Variants in LEPR observed in about 807,000 individuals in gnomAD.
LEPR encodes the protein leptin receptor.
In LEPR, 56 loss-of-function variants were observed where a neutral mutation model predicts 114.7. That is an observed-to-expected ratio of 0.49 (90% confidence interval 0.39 to 0.61). The LOEUF (loss-of-function observed/expected upper bound fraction) is 0.61, where lower values mean the gene tolerates loss of function less well. LEPR is among the 20% of genes least tolerant of loss of function. The pLI, the probability that LEPR is intolerant of heterozygous loss-of-function variation, is 0.00. For synonymous variants in LEPR, 443 were observed against 461.4 expected, an observed-to-expected ratio of 0.96 and a Z score of 0.51; for missense variants, 1,202 against 1,352.9, an observed-to-expected ratio of 0.89 and a Z score of 1.75.
At chr1:65,635,124 T>C in intron 19 of LEPR, 1 of 937,188 alleles carries the variant, frequency 1.1e-6, no homozygotes, top group Non-Finnish European at 1.3e-6. Flanking sequence ...CTTGCCATTA[T>C]GAAGAACAGC....
At position 65,546,692 on chromosome 1, in the gene LEPR, C is replaced by T. The variant is rs542710682; in HGVS notation, c.-20-18854C>T. 2.6e-5 allele frequency among the ~76,000 whole-genome samples: 4 copies of T among 152,284 alleles called. No homozygotes were observed. In the South Asian group the frequency reaches 6.2e-4, roughly 24 times the overall value. ...AGACTTTGCCGAAGTTGCTTATCAG[C>T]TTAAGGAGATTTTGGGCTGAGACAA... On this transcript the variant is annotated intron_variant, in intron 2 of 19. Coordinates refer to ENST00000349533, the MANE Select transcript of LEPR (RefSeq NM_002303.6).
chr1:65,579,137 G>A (rs901129662), intron 5 of LEPR, among the ~76,000 whole-genome samples: 1 of 152,192 alleles, frequency 6.6e-6, no homozygotes, highest in African/African-American at 2.4e-5. Context: ...TTTCAGCCTT[G>A]TATGATGGTA....
intron 19 of LEPR, among the ~76,000 whole-genome samples, chr1:65,632,662 A>G (rs1405602417): frequency 6.6e-6 from 1 of 152,092 alleles, no homozygotes; most frequent in Non-Finnish European, 1.5e-5. Context: ...TGGACCATAT[A>G]ATTTCTGAGA....
intron 2 of LEPR, among the ~76,000 whole-genome samples, chr1:65,481,822 T>TA (rs76503407): frequency 3.5e-3 from 404 of 117,088 alleles, no homozygotes; most frequent in African/African-American, 4.6e-3. Context: ...CTAATGTTAC[T>TA]AAAAAAAAAA....
chr1:65,448,446 C>T lies in LEPR; in HGVS notation c.-21+23068C>T, dbSNP rs561581781. On this transcript the variant is annotated intron_variant, in intron 2 of 19. Coordinates refer to ENST00000349533, the MANE Select transcript of LEPR (RefSeq NM_002303.6). The stretch of plus-strand genomic sequence containing the variant: ...TGCTAATATCTTGTTGAGGATTTTG[C>T]ATCCGTGTTCATGAAAGATATTGGA... Among the ~76,000 whole-genome samples, 13 of 152,242 alleles carry T rather than the reference C, an allele frequency of 8.5e-5. No individual in the cohort carries two copies. The South Asian group carries it at 1.9e-3, about 22-fold the overall frequency.
intron 2 of LEPR, among the ~76,000 whole-genome samples, chr1:65,563,242 T>C (rs1291198435): frequency 1.1e-5 from 1 of 88,914 alleles, no homozygotes; most frequent in Non-Finnish European, 2.3e-5. Context: ...TCTTGGAGGC[T>C]TTGCTCATTT....
At position 65,625,356 on chromosome 1, in the gene LEPR, T is replaced by C. The variant is rs1658135156; in HGVS notation, c.2673+2375T>C. Among the ~76,000 whole-genome samples the C allele has an allele frequency of 1.3e-5, 2 of 152,162 alleles. 1 individual carries two copies. Among genetic ancestry groups the C allele is most frequent in the South Asian group, 4.1e-4 (2 of 4,826 alleles). On this transcript the variant is annotated intron_variant, in intron 19 of 19. Transcript: ENST00000349533. ...CATTTCATCCATATATTCAATATGATTGAATACTTACCCTATACCAGTCAC... is the reference window on the plus strand; with the variant it reads ...CATTTCATCCATATATTCAATATGACTGAATACTTACCCTATACCAGTCAC...
chr1:65,620,283 T>A (rs564020042), intron 17 of LEPR, among the ~76,000 whole-genome samples: 1 of 152,310 alleles, frequency 6.6e-6, no homozygotes, highest in South Asian at 2.1e-4. Context: ...TTTGATTTTG[T>A]TATTACTTTT....
chr1:65,440,161 G>C (rs1031363287), intron 2 of LEPR, among the ~76,000 whole-genome samples: 2 of 151,988 alleles, frequency 1.3e-5, no homozygotes, highest in Non-Finnish European at 2.9e-5. Context: ...TGAATAATGA[G>C]AAGGAATCAA....
rs765741085 is a variant in LEPR, at chr1:65,443,951, C to CT, written c.-21+18594dup. ...AGAAAAGGAGACTAAAGACCTGATA[C>CT]TTTTTTTTTTTTTTTTTTTTTATAC... On this transcript the variant is annotated intron_variant, in intron 2 of 19. Coordinates refer to ENST00000349533, the MANE Select transcript of LEPR (RefSeq NM_002303.6). Among the ~76,000 whole-genome samples the CT allele has an allele frequency of 2.4e-3, 204 of 84,720 alleles. 27 individuals carry two copies. The highest frequency in any genetic ancestry group is 0.021 in the East Asian group (89 of 4,154). 55.6% of individuals were successfully genotyped at this position (84,720 alleles called of 152,430 possible).
At position 65,608,818 on chromosome 1, in the gene LEPR, T is replaced by C; in HGVS notation, c.1669T>C (p.Ser557Pro). The change falls in exon 12 of 20, where the codon TCT becomes CCT. Residue 557 changes from serine to proline, a missense_variant. Transcript: ENST00000349533. ...TATAAACATTGGATTATTGAAAATA[T>C]CTTGGGAAAAGCCAGTCTTTCCAGA... is the stretch of plus-strand genomic sequence containing the variant. ...ITINIGLLKI[S>P]WEKPVFPENN... The C allele has an allele frequency of 1.2e-6, 2 of 1,613,806 alleles. No homozygotes were observed. The highest frequency in any genetic ancestry group is 1.7e-6 in the Non-Finnish European group (2 of 1,179,854).
intron 2 of LEPR, among the ~76,000 whole-genome samples, chr1:65,446,086 G>A (rs1646710497): frequency 6.6e-6 from 1 of 152,196 alleles, no homozygotes; most frequent in African/African-American, 2.4e-5. Context: ...ATTTTTATCT[G>A]ATATACCAAT....
At position 65,592,679 on chromosome 1, in the gene LEPR, C is replaced by T; in HGVS notation, c.517C>T (p.Pro173Ser). Residue 173 changes from proline to serine, a missense_variant, in exon 6 of 20, where the codon CCT becomes TCT. Coordinates refer to ENST00000349533, the MANE Select transcript of LEPR (RefSeq NM_002303.6). ...TAGGCCTGAAGTGTTAGAAGATTCA[C>T]CTCTGGTTCCCCAAAAAGGCAGTTT... is the stretch of plus-strand genomic sequence containing the variant. ...YVLPEVLEDS[P>S]LVPQKGSFQM... The T allele has an allele frequency of 1.2e-6, 2 of 1,613,112 alleles. No individual in the cohort carries two copies. Among genetic ancestry groups the T allele is most frequent in the Non-Finnish European group, 8.5e-7 (1 of 1,179,346 alleles).
chr1:65,449,807 T>A (rs1018123731), intron 2 of LEPR, among the ~76,000 whole-genome samples: 3 of 152,124 alleles, frequency 2.0e-5, no homozygotes, highest in Admixed American at 6.5e-5. Context: ...AGAATTAATT[T>A]GTTCCTCTTT....
chr1:65,593,691 A>G (rs771395570), intron 6 of LEPR, among the ~76,000 whole-genome samples: 16 of 152,098 alleles, frequency 1.1e-4, no homozygotes, highest in Non-Finnish European at 2.1e-4. Context: ...CTCGAGATAT[A>G]GCACTTTTTG....
chr1:65,517,709 G>T (rs147551939), intron 2 of LEPR, among the ~76,000 whole-genome samples: 1 of 152,116 alleles, frequency 6.6e-6, no homozygotes, highest in East Asian at 1.9e-4. Context: ...AGTCTAACTC[G>T]TCTCCCATCA....
chr1:65,452,823 TC>T (rs1018744943), intron 2 of LEPR, among the ~76,000 whole-genome samples: 49 of 152,184 alleles, frequency 3.2e-4, no homozygotes, highest in Non-Finnish European at 7.1e-4. Flanking sequence ...TCCCTCTTTT[TC>T]TATTGATTGG....
At chr1:65,504,060 T>C (rs1557628441) in intron 2 of LEPR, among the ~76,000 whole-genome samples, 1 of 152,136 alleles carries the variant, frequency 6.6e-6, no homozygotes, top group Non-Finnish European at 1.5e-5. Context: ...CTAGAGCCAA[T>C]GTAAGCAGTT....
chr1:65,547,899 T>C (rs1402891355), intron 2 of LEPR, among the ~76,000 whole-genome samples: 2 of 143,308 alleles, frequency 1.4e-5, no homozygotes, highest in South Asian at 4.6e-4. Flanking sequence ...ATTGTGATGT[T>C]AGGGTGTCAA....
Sources: gnomAD v4.1 joint callset for allele counts (sites outside exome capture counted in the v4.1 genomes callset) on GRCh38, gnomAD v4.1.1 for gene constraint, MANE v1.5 for transcripts, NCBI Gene and HGNC (gene_info 2026-07-23, HGNC 2026-07-21) for gene names.